The following LRMDA variants were observed in gnomAD, a reference collection of about 807,000 sequenced individuals.
LRMDA encodes leucine-rich melanocyte differentiation-associated protein.
LRMDA carries 18 observed loss-of-function variants against 29.8 expected under a neutral mutation model. That is an observed-to-expected ratio of 0.60 (90% CI 0.42 to 0.90). The LOEUF (loss-of-function observed/expected upper bound fraction) is 0.90. Among genes scored for constraint, LRMDA ranks in the 40% least tolerant of loss-of-function variants. The pLI, the probability that LRMDA is intolerant of heterozygous loss-of-function variation, is 0.00. For synonymous variants in LRMDA, 125 were observed against 109.4 expected (o/e 1.14, Z -0.89); for missense variants, 273 against 273.9 (o/e 1.00, Z 0.02).
At chr10:76,118,167 A>C (rs1456695595) in intron 5 of LRMDA, among the ~76,000 whole-genome samples, 5 of 152,208 alleles carry the variant, frequency 3.3e-5, no homozygotes, top group Admixed American at 3.3e-4. Flanking sequence ...GCAAATGGTG[A>C]CTAATGATAC....
intron 6 of LRMDA, among the ~76,000 whole-genome samples, chr10:76,360,152 C>A (rs910346116): frequency 2.0e-5 from 3 of 152,046 alleles, no homozygotes; most frequent in Non-Finnish European, 4.4e-5. Context: ...CCATGCCTAG[C>A]TAATTTTGTA....
chr10:76,416,981 G>A (rs1039081112), intron 6 of LRMDA, among the ~76,000 whole-genome samples: 3 of 152,152 alleles, frequency 2.0e-5, no homozygotes, highest in Non-Finnish European at 4.4e-5. Flanking sequence ...GGCCGGAAAT[G>A]TTTCACTCAC....
intron 6 of LRMDA, among the ~76,000 whole-genome samples, chr10:76,479,754 G>A (rs1394633818): frequency 6.6e-6 from 1 of 151,744 alleles, no homozygotes; most frequent in Non-Finnish European, 1.5e-5. Flanking sequence ...AGAGTATGAC[G>A]GGTCGAAGGC....
intron 2 of LRMDA, among the ~76,000 whole-genome samples, chr10:75,754,915 C>G (rs1183374774): frequency 1.3e-5 from 2 of 152,052 alleles, no homozygotes; most frequent in Non-Finnish European, 2.9e-5. Context: ...CAATTTTATT[C>G]TATGGATTTC....
intron 3 of LRMDA, among the ~76,000 whole-genome samples, chr10:76,037,359 G>A (rs944074767): frequency 1.3e-5 from 2 of 152,208 alleles, no homozygotes; most frequent in African/African-American, 4.8e-5. Flanking sequence ...AAGGAGACAA[G>A]GCATTTTCCT....
intron 2 of LRMDA, among the ~76,000 whole-genome samples, chr10:75,678,317 G>A (rs1466419444): frequency 2.0e-5 from 3 of 152,148 alleles, no homozygotes; most frequent in Non-Finnish European, 2.9e-5. Flanking sequence ...CTTCCATTAT[G>A]AGACAAGAAC....
intron 6 of LRMDA, among the ~76,000 whole-genome samples, chr10:76,355,304 G>A (rs1273447881): frequency 6.6e-6 from 1 of 152,142 alleles, no homozygotes; most frequent in Non-Finnish European, 1.5e-5. Context: ...TCTTATGGAT[G>A]AGGTGGGACA....
intron 2 of LRMDA, among the ~76,000 whole-genome samples, chr10:75,762,645 G>T (rs1312070872): frequency 6.6e-6 from 1 of 152,182 alleles, no homozygotes; most frequent in Non-Finnish European, 1.5e-5. Context: ...ACCTCTCTGA[G>T]CCACAGTTTC....
intron 2 of LRMDA, among the ~76,000 whole-genome samples, chr10:75,706,388 T>C (rs1322844169): frequency 6.6e-6 from 1 of 152,210 alleles, no homozygotes. Context: ...GCATTACTTG[T>C]ATAGTTCACA....
intron 2 of LRMDA, among the ~76,000 whole-genome samples, chr10:76,023,439 T>A (rs1337635119): frequency 6.6e-6 from 1 of 152,190 alleles, no homozygotes; most frequent in Non-Finnish European, 1.5e-5. Context: ...CTCTCTTTTT[T>A]TGGCCATCTG....
chr10:76,238,259 T>TTAGA (rs1379379774), intron 5 of LRMDA, among the ~76,000 whole-genome samples: 1 of 152,088 alleles, frequency 6.6e-6, no homozygotes, highest in Non-Finnish European at 1.5e-5. Context: ...CGGGGTTGAG[T>TTAGA]TAGACTTTAG....
At chr10:76,476,177 A>T (rs1306231617) in intron 6 of LRMDA, among the ~76,000 whole-genome samples, 1 of 152,204 alleles carries the variant, frequency 6.6e-6, no homozygotes, top group African/African-American at 2.4e-5. Context: ...AATAAAAGAG[A>T]GAAGAATCAA....
chr10:76,331,479 A>ATT (rs1274683210), intron 6 of LRMDA, among the ~76,000 whole-genome samples: 2 of 152,220 alleles, frequency 1.3e-5, no homozygotes, highest in African/African-American at 2.4e-5. Flanking sequence ...ACTCATTGAA[A>ATT]GTTCATAGAA....
intron 6 of LRMDA, among the ~76,000 whole-genome samples, chr10:76,334,681 T>G (rs1405562423): frequency 6.6e-6 from 1 of 152,172 alleles, no homozygotes. Flanking sequence ...TTTGTTGTGA[T>G]GTGTGTACTT....
At chr10:75,558,801 G>T (rs1237594045) in intron 2 of LRMDA, among the ~76,000 whole-genome samples, 30 of 145,690 alleles carry the variant, frequency 2.1e-4, no homozygotes, top group Admixed American at 5.6e-4. Flanking sequence ...TTATCCTTGC[G>T]ATAGTTTACT....
chr10:76,552,826 GA>G (rs1564574762), intron 6 of LRMDA, among the ~76,000 whole-genome samples: 1 of 152,148 alleles, frequency 6.6e-6, no homozygotes, highest in African/African-American at 2.4e-5. Context: ...GGATGTGCAA[GA>G]ATTCCCTTCC....
chr10:75,714,708 CTT>C (rs1019367770), intron 2 of LRMDA, among the ~76,000 whole-genome samples: 1 of 152,118 alleles, frequency 6.6e-6, no homozygotes, highest in Non-Finnish European at 1.5e-5. Flanking sequence ...CTGTGAGAAA[CTT>C]TGATCTAATT....
At chr10:75,784,524 C>G (rs1843438902) in intron 2 of LRMDA, among the ~76,000 whole-genome samples, 1 of 151,740 alleles carries the variant, frequency 6.6e-6, no homozygotes, top group African/African-American at 2.4e-5. Flanking sequence ...ACGGTGAAAC[C>G]CTGTCTCTAC....
At chr10:75,782,912 ACAGTGGCATCTGCT>A in intron 2 of LRMDA, 1 of 1,610,028 alleles carries the variant, frequency 6.2e-7, no homozygotes, top group Non-Finnish European at 8.5e-7. Flanking sequence ...CCTCTTGCCA[ACAGTGGCATCTGCT>A]CAGTGTAGCC....
Sources: gnomAD v4.1 joint callset for allele counts (sites outside exome capture counted in the v4.1 genomes callset) on GRCh38, gnomAD v4.1.1 for gene constraint, MANE v1.5 for transcripts, NCBI Gene and HGNC (gene_info 2026-07-23, HGNC 2026-07-21) for gene names.